GRIN2B: variants seen among roughly 807,000 people sequenced by gnomAD.
GRIN2B encodes glutamate receptor ionotropic, NMDA 2B.
Under a neutral mutation model 114.5 loss-of-function variants are expected in GRIN2B, and 5 were observed. The ratio of observed to expected loss-of-function variants is 0.04; its 90% CI spans 0.02 to 0.09. The LOEUF (loss-of-function observed/expected upper bound fraction) is 0.09, where lower values mean the gene tolerates loss of function less well. Ranked by LOEUF, GRIN2B falls within the 10% of genes least tolerant of loss-of-function variation. The pLI is 1.00. For missense variants in GRIN2B, 1,108 were observed against 1,943.5 expected, an observed-to-expected ratio of 0.57 and a Z score of 8.08; for synonymous variants, 787 against 745.1, an observed-to-expected ratio of 1.06 and a Z score of -0.92.
chr12:13,584,422 ATGAG>A (rs1414532957), intron 10 of GRIN2B, among the ~76,000 whole-genome samples: 1 of 152,230 alleles, frequency 6.6e-6, no homozygotes, highest in Non-Finnish European at 1.5e-5. Flanking sequence ...ATATGAATGA[ATGAG>A]TGATTTAAAG....
intron 10 of GRIN2B, among the ~76,000 whole-genome samples, chr12:13,596,733 T>C (rs1007677931): frequency 7.9e-5 from 12 of 152,260 alleles, no homozygotes; most frequent in Non-Finnish European, 1.6e-4. Flanking sequence ...AGGGGCTGTA[T>C]GTGCACAAAT....
At chr12:13,820,907 C>T (rs1402704999) in intron 3 of GRIN2B, among the ~76,000 whole-genome samples, 1 of 152,104 alleles carries the variant, frequency 6.6e-6, no homozygotes, top group African/African-American at 2.4e-5. Context: ...TGATTCTTCC[C>T]CCTTTTGAAT....
intron 3 of GRIN2B, among the ~76,000 whole-genome samples, chr12:13,759,789 GCCCTAAAAGACTC>G (rs536967486): frequency 1.6e-4 from 24 of 152,210 alleles, no homozygotes; most frequent in African/African-American, 5.3e-4. Flanking sequence ...TATACCCCAA[GCCCTAAAAGACTC>G]CCCAGTGTAC....
chr12:13,926,826 G>A (rs934868764), intron 2 of GRIN2B, among the ~76,000 whole-genome samples: 6 of 152,186 alleles, frequency 3.9e-5, no homozygotes, highest in East Asian at 1.9e-4. Flanking sequence ...GGTGGCAGGC[G>A]CCTGTAGTCC....
chr12:13,705,209 C>A (rs1950349331), intron 4 of GRIN2B, among the ~76,000 whole-genome samples: 1 of 152,144 alleles, frequency 6.6e-6, no homozygotes, highest in Admixed American at 6.5e-5. Context: ...TAGCTTTTCC[C>A]TATTACCCAT....
intron 5 of GRIN2B, among the ~76,000 whole-genome samples, chr12:13,653,121 AAAT>A (rs1482821705): frequency 6.6e-6 from 1 of 152,182 alleles, no homozygotes; most frequent in East Asian, 1.9e-4. Flanking sequence ...ATAAAAGAGA[AAAT>A]AAAGAAGAGA....
intron 2 of GRIN2B, among the ~76,000 whole-genome samples, chr12:13,973,532 C>T (rs2136874663): frequency 6.6e-6 from 1 of 152,298 alleles, no homozygotes; most frequent in South Asian, 2.1e-4. Context: ...TCCAGGTCTG[C>T]CATTCACAGA....
Position 13,590,614 on chromosome 12 carries a change from T to C in GRIN2B, c.2010+17989A>G, listed in dbSNP as rs994803961. Among the ~76,000 whole-genome samples, 9 of 152,214 alleles carry C rather than the reference T, an allele frequency of 5.9e-5. No individual in the cohort carries two copies. In the South Asian group the frequency reaches 1.9e-3, roughly 32 times the overall value. On this transcript the variant is annotated intron_variant, in intron 10 of 13. Coordinates refer to ENST00000609686, the MANE Select transcript of GRIN2B (RefSeq NM_000834.5). ...TATGGCTGCATAGTATTCCATGGTG[T>C]GTAAGTGCCACATTTTCTTTATCCA...
chr12:13,642,747 T>C (rs1949731522), intron 5 of GRIN2B, among the ~76,000 whole-genome samples: 2 of 152,062 alleles, frequency 1.3e-5, no homozygotes, highest in Non-Finnish European at 2.9e-5. Context: ...ATAACTGTTA[T>C]TTTCTCATGA....
chr12:13,651,362 G>T (rs1397116867), intron 5 of GRIN2B, among the ~76,000 whole-genome samples: 1 of 151,980 alleles, frequency 6.6e-6, no homozygotes, highest in African/African-American at 2.4e-5. Context: ...TCCAACATCT[G>T]TCCCCAACCC....
At position 13,553,634 on chromosome 12, in the gene GRIN2B, G is replaced by A. The variant is rs1948444099; in HGVS notation, c.*9149C>T. 1 of 152,190 alleles carries A rather than the reference G, an allele frequency of 6.6e-6. No individual in the cohort carries two copies. The highest frequency in any genetic ancestry group is 2.4e-5 in the African/African-American group (1 of 41,446). The allele number at this position is 152,190 out of a possible 1,614,324, so 9.4% of individuals were successfully genotyped here. A position where few individuals can be genotyped will look rare whatever the true frequency, so the allele number is the denominator to read the frequency against. On this transcript the variant is annotated 3_prime_UTR_variant, in exon 14 of 14. Transcript: ENST00000609686. Reference sequence around the variant, plus strand: ...GTCTACAAGGCTGTGTGATTAGTGAGCCAGAACTGTGACAAGGTTCTTTTG... The same window carrying A: ...GTCTACAAGGCTGTGTGATTAGTGAACCAGAACTGTGACAAGGTTCTTTTG...
intron 5 of GRIN2B, among the ~76,000 whole-genome samples, chr12:13,671,345 G>A (rs1210792366): frequency 3.3e-5 from 5 of 152,072 alleles, no homozygotes; most frequent in African/African-American, 7.2e-5. Context: ...CTGATAAATG[G>A]CAACATGGAG....
intron 2 of GRIN2B, among the ~76,000 whole-genome samples, chr12:13,957,134 CCTATTG>C (rs1347180681): frequency 1.3e-5 from 2 of 152,180 alleles, no homozygotes; most frequent in Non-Finnish European, 2.9e-5. Flanking sequence ...ATACCATCAA[CCTATTG>C]CTTCCATTAG....
chr12:13,957,887 C>T (rs1191344565), intron 2 of GRIN2B, among the ~76,000 whole-genome samples: 1 of 152,136 alleles, frequency 6.6e-6, no homozygotes, highest in African/African-American at 2.4e-5. Context: ...ATTACTAACC[C>T]TGACAAATAT....
intron 3 of GRIN2B, among the ~76,000 whole-genome samples, chr12:13,856,926 C>T (rs960930564): frequency 6.6e-6 from 1 of 152,206 alleles, no homozygotes; most frequent in Non-Finnish European, 1.5e-5. Flanking sequence ...ATATGACCCA[C>T]CCATGTTCTA....
chr12:13,744,035 T>A (rs1020413492), intron 4 of GRIN2B, among the ~76,000 whole-genome samples: 2 of 152,226 alleles, frequency 1.3e-5, no homozygotes, highest in African/African-American at 4.8e-5. Context: ...GATTCATTTA[T>A]AGGCTCATCA....
intron 2 of GRIN2B, among the ~76,000 whole-genome samples, chr12:13,900,773 T>C (rs376806903): frequency 3.2e-4 from 48 of 152,332 alleles, no homozygotes; most frequent in African/African-American, 1.1e-3. Context: ...TAGAATCACT[T>C]AGAATCATAC....
Position 13,753,704 on chromosome 12 carries a change from G to T in GRIN2B, c.623C>A (p.Ser208Tyr). The change falls in exon 4 of 14, where the codon TCC (serine) becomes TAC (tyrosine). Residue 208 changes from serine to tyrosine, a missense_variant. Ser to Tyr is a moderately radical substitution (Grantham distance 144). Coordinates refer to ENST00000609686, the MANE Select transcript of GRIN2B (RefSeq NM_000834.5). The surrounding 1 kb of genome is among the most constrained non-coding windows in gnomAD (Gnocchi z 6.2). ...GATCTTAGAATCTCCATCGTCCAGG[G>T]ACATGTCCAGTAGGAGGACCTCCTC... ...ELEEVLLLDM[S>Y]LDDGDSKIQN... 1 of 1,614,062 alleles carries T rather than the reference G, an allele frequency of 6.2e-7. No individual in the cohort carries two copies. The highest frequency in any genetic ancestry group is 8.5e-7 in the Non-Finnish European group (1 of 1,179,914).
At chr12:13,764,282 C>G (rs1454129349) in intron 3 of GRIN2B, among the ~76,000 whole-genome samples, 6 of 152,140 alleles carry the variant, frequency 3.9e-5, no homozygotes, top group Non-Finnish European at 7.4e-5. Context: ...CCCAGCCCAT[C>G]CCCTCTGACT....
Sources: allele counts gnomAD v4.1 joint callset (sites outside exome capture counted in the v4.1 genomes callset), GRCh38; gene constraint gnomAD v4.1.1; non-coding constraint Gnocchi (gnomAD v3.1); transcripts MANE v1.5; gene names NCBI Gene and HGNC (gene_info 2026-07-23, HGNC 2026-07-21).